SPOCK3: variants seen among roughly 807,000 people sequenced by gnomAD.
SPOCK3 encodes SPARC (osteonectin), cwcv and kazal like domains proteoglycan 3.
A neutral mutation model predicts 56.6 loss-of-function variants in SPOCK3; 30 were observed. The ratio of observed to expected loss-of-function variants is 0.53; its 90% CI spans 0.40 to 0.72. The LOEUF (loss-of-function observed/expected upper bound fraction) is 0.72. Among genes scored for constraint, SPOCK3 ranks in the 30% least tolerant of loss-of-function variants. The pLI is 0.00. For synonymous variants in SPOCK3, 196 were observed against 183.3 expected (o/e 1.07, Z -0.56); for missense variants, 527 against 530.0 (o/e 0.99, Z 0.06).
chr4:166,953,935 T>G (rs896761383), intron 4 of SPOCK3, among the ~76,000 whole-genome samples: 4 of 151,916 alleles, frequency 2.6e-5, no homozygotes, highest in Non-Finnish European at 4.4e-5. Context: ...GGGACTGTTG[T>G]GGGGTGCTGG....
intron 2 of SPOCK3, among the ~76,000 whole-genome samples, chr4:167,064,938 C>G (rs1340308689): frequency 6.9e-6 from 1 of 145,642 alleles, no homozygotes; most frequent in Non-Finnish European, 1.5e-5. Flanking sequence ...ACACCACGGA[C>G]AAGCTGTCAT....
chr4:167,168,628 A>G (rs997918202), intron 2 of SPOCK3, among the ~76,000 whole-genome samples: 4 of 152,200 alleles, frequency 2.6e-5, no homozygotes, highest in African/African-American at 9.6e-5. Context: ...AAGGAGAAGC[A>G]GGGCATACAA....
chr4:167,183,359 AT>A (rs1356782908), intron 2 of SPOCK3, among the ~76,000 whole-genome samples: 9 of 152,284 alleles, frequency 5.9e-5, no homozygotes, highest in South Asian at 2.1e-4. Flanking sequence ...TACTTAAAAG[AT>A]TTTTTTCATA....
intron 2 of SPOCK3, among the ~76,000 whole-genome samples, chr4:167,161,599 A>T (rs1765311474): frequency 6.6e-6 from 1 of 152,192 alleles, no homozygotes; most frequent in Non-Finnish European, 1.5e-5. Flanking sequence ...ACGTATGGTT[A>T]TTGCGGCACT....
At chr4:167,055,101 TATA>T (rs1754651129) in intron 3 of SPOCK3, among the ~76,000 whole-genome samples, 1 of 152,130 alleles carries the variant, frequency 6.6e-6, no homozygotes, top group Non-Finnish European at 1.5e-5. Flanking sequence ...AGTATAAAAA[TATA>T]ATGACAATGT....
intron 6 of SPOCK3, among the ~76,000 whole-genome samples, chr4:166,835,050 T>C (rs976550781): frequency 2.0e-5 from 3 of 152,078 alleles, no homozygotes; most frequent in Admixed American, 6.5e-5. Flanking sequence ...ATAAACCGAT[T>C]ACCAATAAAA....
intron 4 of SPOCK3, among the ~76,000 whole-genome samples, chr4:166,972,480 T>A (rs1233104972): frequency 2.0e-5 from 3 of 151,926 alleles, no homozygotes; most frequent in Admixed American, 1.3e-4. Context: ...CAAAAGAACA[T>A]CACCCACTTT....
intron 3 of SPOCK3, among the ~76,000 whole-genome samples, chr4:167,060,996 C>T (rs1369038042): frequency 6.6e-6 from 1 of 151,964 alleles, no homozygotes; most frequent in Non-Finnish European, 1.5e-5. Context: ...ATAAGCTTAT[C>T]CCTGTCTGAT....
At chr4:166,845,348 T>C (rs971184237) in intron 6 of SPOCK3, among the ~76,000 whole-genome samples, 1 of 152,222 alleles carries the variant, frequency 6.6e-6, no homozygotes, top group Non-Finnish European at 1.5e-5. Context: ...ACACTGGGCA[T>C]ATGAAATTTT....
chr4:166,950,448 A>G (rs1219588700), intron 4 of SPOCK3, among the ~76,000 whole-genome samples: 2 of 151,854 alleles, frequency 1.3e-5, no homozygotes, highest in Non-Finnish European at 2.9e-5. Flanking sequence ...GTCCTGAGTG[A>G]CCTACAAAGA....
intron 2 of SPOCK3, among the ~76,000 whole-genome samples, chr4:167,225,780 A>T (rs1312187530): frequency 1.3e-5 from 2 of 152,104 alleles, no homozygotes; most frequent in East Asian, 3.9e-4. Flanking sequence ...TTAAGAAAAA[A>T]AAAAATCTAA....
At chr4:167,208,650 T>C (rs1734578757) in intron 2 of SPOCK3, among the ~76,000 whole-genome samples, 2 of 152,138 alleles carry the variant, frequency 1.3e-5, no homozygotes, top group Admixed American at 1.3e-4. Context: ...ACATTTTTGA[T>C]AACATATTTA....
At chr4:166,851,857 T>C (rs894305176) in intron 6 of SPOCK3, among the ~76,000 whole-genome samples, 23 of 152,098 alleles carry the variant, frequency 1.5e-4, no homozygotes, top group Admixed American at 7.9e-4. Flanking sequence ...CGTATGTTTA[T>C]TGCGGCATTA....
intron 4 of SPOCK3, among the ~76,000 whole-genome samples, chr4:166,961,261 A>AAAC (rs1554010245): frequency 6.6e-6 from 1 of 151,606 alleles, no homozygotes; most frequent in African/African-American, 2.4e-5. Flanking sequence ...AAAAAAAAAA[A>AAAC]CTGCAAAATT....
intron 6 of SPOCK3, among the ~76,000 whole-genome samples, chr4:166,800,670 A>G (rs1201609926): frequency 6.6e-6 from 1 of 152,238 alleles, no homozygotes; most frequent in Non-Finnish European, 1.5e-5. Context: ...ACAGTGTACA[A>G]TGTGCTTGCA....
chr4:166,855,097 A>G (rs1249447076), intron 6 of SPOCK3, among the ~76,000 whole-genome samples: 1 of 152,168 alleles, frequency 6.6e-6, no homozygotes, highest in Non-Finnish European at 1.5e-5. Context: ...TAACCACACC[A>G]GAACAGACTT....
intron 6 of SPOCK3, among the ~76,000 whole-genome samples, chr4:166,868,722 T>C (rs1732135661): frequency 6.6e-6 from 1 of 152,116 alleles, no homozygotes; most frequent in South Asian, 2.1e-4. Flanking sequence ...AGTCAAACTA[T>C]ATCAATATAA....
chr4:166,920,667 C>T (rs904673818), intron 4 of SPOCK3, among the ~76,000 whole-genome samples: 2 of 151,994 alleles, frequency 1.3e-5, no homozygotes, highest in African/African-American at 4.8e-5. Flanking sequence ...ATAGCAGTGA[C>T]AGATATGCAG....
chr4:167,039,058 G>A (rs1043578450), intron 3 of SPOCK3, among the ~76,000 whole-genome samples: 1 of 152,142 alleles, frequency 6.6e-6, no homozygotes, highest in African/African-American at 2.4e-5. Flanking sequence ...GCAGTGCTGG[G>A]TCCTTCTTGA....
Sources: allele counts gnomAD v4.1 joint callset (sites outside exome capture counted in the v4.1 genomes callset), GRCh38; gene constraint gnomAD v4.1.1; transcripts MANE v1.5; gene names NCBI Gene and HGNC (gene_info 2026-07-23, HGNC 2026-07-21).